DCC: variants seen among roughly 807,000 people sequenced by gnomAD.
The protein encoded by DCC is netrin receptor DCC.
DCC carries 58 observed loss-of-function variants against 172.5 expected under a neutral mutation model. That is an observed-to-expected ratio of 0.34 (90% CI 0.27 to 0.42). DCC has a LOEUF of 0.42. DCC is among the 10% of genes least tolerant of loss of function. DCC has a pLI of 1.00. For missense variants in DCC, 1,740 were observed against 1,791.0 expected, an observed-to-expected ratio of 0.97 and a Z score of 0.51; for synonymous variants, 709 against 644.5, an observed-to-expected ratio of 1.10 and a Z score of -1.52.
At chr18:53,444,583 A>G (rs1365573320) in intron 22 of DCC, among the ~76,000 whole-genome samples, 13 of 152,228 alleles carry the variant, frequency 8.5e-5, no homozygotes. Context: ...AGCCATCAAC[A>G]TAAAGGCAAA....
At chr18:53,207,608 T>G (rs2055673476) in intron 10 of DCC, 71 bp from the exon 11 acceptor site, 11 of 1,391,764 alleles carry the variant, frequency 7.9e-6, no homozygotes, top group Middle Eastern at 2.0e-4. Flanking sequence ...ATTCACTGAT[T>G]GCACAGAATG....
At chr18:52,541,759 G>T (rs1013207607) in intron 1 of DCC, among the ~76,000 whole-genome samples, 13 of 151,288 alleles carry the variant, frequency 8.6e-5, no homozygotes, top group Non-Finnish European at 5.9e-5. Context: ...TATATGACCT[G>T]GTCCCTCTCC....
In DCC at chr18:53,532,510, A is replaced by C. The variant is rs528341358; in HGVS notation, c.*1857A>C. ...TTGTTCTATGGGACAGACTACTCTT[A>C]TTTAACATCTGGGCACTTAGGTAGA... On this transcript the variant is annotated 3_prime_UTR_variant, in exon 29 of 29. Coordinates refer to ENST00000442544, the MANE Select transcript of DCC (RefSeq NM_005215.4). 15 of 152,332 alleles carry C rather than the reference A, an allele frequency of 9.8e-5. No homozygotes were observed. The highest frequency in any genetic ancestry group is 1.9e-4 in the Non-Finnish European group (13 of 68,022). 9.4% of individuals were successfully genotyped at this position (152,332 alleles called of 1,614,324 possible). A position where few individuals can be genotyped will look rare whatever the true frequency, so the allele number is the denominator to read the frequency against.
chr18:53,489,515 T>C (rs2045937721), intron 26 of DCC, among the ~76,000 whole-genome samples: 1 of 152,184 alleles, frequency 6.6e-6, no homozygotes, highest in South Asian at 2.1e-4. Flanking sequence ...AAACATTTCA[T>C]GAATCTGGGT....
intron 5 of DCC, among the ~76,000 whole-genome samples, chr18:52,929,140 G>A (rs1406587499): frequency 6.6e-6 from 1 of 152,050 alleles, no homozygotes; most frequent in African/African-American, 2.4e-5. Context: ...TATCAGTATT[G>A]AGGCAGAAGT....
chr18:52,346,403 G>C (rs1194233953), intron 1 of DCC, among the ~76,000 whole-genome samples: 1 of 152,118 alleles, frequency 6.6e-6, no homozygotes, highest in Non-Finnish European at 1.5e-5. Context: ...AGAAATACAG[G>C]TTGGCTGACT....
At chr18:53,136,667 G>T (rs1434100839) in intron 7 of DCC, among the ~76,000 whole-genome samples, 1 of 151,002 alleles carries the variant, frequency 6.6e-6, no homozygotes, top group Non-Finnish European at 1.5e-5. Context: ...GGGTTGATAA[G>T]GTATCTTGTG....
At chr18:52,757,278 C>T (rs1355921382) in intron 2 of DCC, 1 of 152,192 alleles carries the variant, frequency 6.6e-6, no homozygotes, top group Admixed American at 6.5e-5. Flanking sequence ...TTCTTAATGG[C>T]TTTTCAACTG....
intron 1 of DCC, among the ~76,000 whole-genome samples, chr18:52,697,693 T>C (rs1272605198): frequency 6.6e-6 from 1 of 152,148 alleles, no homozygotes; most frequent in African/African-American, 2.4e-5. Flanking sequence ...CAAATATGTA[T>C]AGACATAGAT....
chr18:53,188,498 C>A (rs764043102), intron 9 of DCC, among the ~76,000 whole-genome samples: 3 of 152,144 alleles, frequency 2.0e-5, no homozygotes, highest in Non-Finnish European at 2.9e-5. Flanking sequence ...TATGAAGGGG[C>A]ACTAGAAAAG....
At chr18:52,645,331 G>A (rs1025971018) in intron 1 of DCC, among the ~76,000 whole-genome samples, 1 of 151,988 alleles carries the variant, frequency 6.6e-6, no homozygotes, top group East Asian at 1.9e-4. Context: ...TTCTAAGGCA[G>A]TTAAATTTTA....
intron 5 of DCC, among the ~76,000 whole-genome samples, chr18:52,961,494 T>C (rs1045762277): frequency 6.6e-6 from 1 of 152,034 alleles, no homozygotes; most frequent in Admixed American, 6.6e-5. Context: ...ACAGTTTATT[T>C]CAGAACTGAG....
At chr18:52,500,387 C>G (rs1403721130) in intron 1 of DCC, among the ~76,000 whole-genome samples, 3 of 152,136 alleles carry the variant, frequency 2.0e-5, no homozygotes, top group Non-Finnish European at 4.4e-5. Context: ...GAGGAATTCA[C>G]CTCTTGATAT....
chr18:52,944,567 A>C (rs532909707), intron 5 of DCC, among the ~76,000 whole-genome samples: 55 of 152,344 alleles, frequency 3.6e-4, no homozygotes, highest in Non-Finnish European at 5.3e-4. Context: ...GAGGTAAAAA[A>C]TGTATTAAAA....
chr18:53,171,697 A>G (rs920570286), intron 8 of DCC, among the ~76,000 whole-genome samples: 9 of 152,064 alleles, frequency 5.9e-5, no homozygotes, highest in African/African-American at 1.9e-4. Context: ...CTTTCCTTTA[A>G]AGTATACCTG....
At chr18:53,406,049 A>G (rs10502973) in intron 19 of DCC, among the ~76,000 whole-genome samples, 64,502 of 152,074 alleles carry the variant, frequency 0.42, 15,464 homozygotes, top group Non-Finnish European at 0.55. Flanking sequence ...GACTTATTGT[A>G]TAGCCAGAGA....
chr18:52,623,842 T>A (rs2034525027), intron 1 of DCC, among the ~76,000 whole-genome samples: 1 of 152,150 alleles, frequency 6.6e-6, no homozygotes. Flanking sequence ...GTCCCTCCCT[T>A]TCCCTCAGGA....
intron 2 of DCC, among the ~76,000 whole-genome samples, chr18:52,891,212 C>T (rs1388961038): frequency 6.6e-6 from 1 of 152,006 alleles, no homozygotes; most frequent in Non-Finnish European, 1.5e-5. Context: ...TTTTTAAGCT[C>T]CTCTATTAAG....
chr18:52,833,783 C>T (rs913409847), intron 2 of DCC, among the ~76,000 whole-genome samples: 1 of 152,162 alleles, frequency 6.6e-6, no homozygotes, highest in Non-Finnish European at 1.5e-5. Flanking sequence ...GCCTCAGCCT[C>T]CCAAGTAACT....
Sources: gnomAD v4.1 joint callset for allele counts (sites outside exome capture counted in the v4.1 genomes callset) on GRCh38, gnomAD v4.1.1 for gene constraint, MANE v1.5 for transcripts, NCBI Gene and HGNC (gene_info 2026-07-23, HGNC 2026-07-21) for gene names.